Variants in FAM13A observed in about 807,000 individuals in gnomAD.
FAM13A encodes protein FAM13A.
Under a neutral mutation model 129.6 loss-of-function variants are expected in FAM13A, and 76 were observed. The observed-to-expected ratio is 0.59, with a 90% CI of 0.49 to 0.71. The LOEUF is 0.71. Among genes scored for constraint, FAM13A ranks in the 30% least tolerant of loss-of-function variants. The probability of loss-of-function intolerance (pLI) is 0.00; values close to 1 mark genes in which losing one functional copy is unlikely to be tolerated. For synonymous variants in FAM13A, 443 were observed against 449.9 expected, an observed-to-expected ratio of 0.98 and a Z score of 0.20; for missense variants, 1,108 against 1,249.3, an observed-to-expected ratio of 0.89 and a Z score of 1.70.
At chr4:88,965,731 C>T (rs1248136707) in intron 4 of FAM13A, among the ~76,000 whole-genome samples, 3 of 152,106 alleles carry the variant, frequency 2.0e-5, no homozygotes, top group Admixed American at 6.5e-5. Context: ...TTTTCCACTC[C>T]CCCAGCCCCT....
intron 6 of FAM13A, among the ~76,000 whole-genome samples, chr4:88,866,262 G>A (rs1010591470): frequency 6.6e-6 from 1 of 152,024 alleles, no homozygotes; most frequent in Non-Finnish European, 1.5e-5. Flanking sequence ...TGGCCAGGCT[G>A]GTCTTGAACT....
At chr4:89,021,483 A>G (rs1018559575) in intron 2 of FAM13A, among the ~76,000 whole-genome samples, 9 of 152,218 alleles carry the variant, frequency 5.9e-5, no homozygotes, top group African/African-American at 1.9e-4. Context: ...AAACAAAAAT[A>G]TGAATTGAGA....
chr4:89,032,850 C>A (rs1057099879), intron 1 of FAM13A, among the ~76,000 whole-genome samples: 10 of 152,158 alleles, frequency 6.6e-5, no homozygotes, highest in African/African-American at 2.4e-4. Context: ...CTCAGTCTCT[C>A]CACCAGCTGA....
At chr4:88,983,935 G>A (rs1761935962) in intron 4 of FAM13A, among the ~76,000 whole-genome samples, 1 of 152,112 alleles carries the variant, frequency 6.6e-6, no homozygotes, top group Non-Finnish European at 1.5e-5. Context: ...AAAATACTAT[G>A]GTACTGACAT....
intron 6 of FAM13A, among the ~76,000 whole-genome samples, chr4:88,893,322 C>T (rs900056523): frequency 6.6e-6 from 1 of 152,090 alleles, no homozygotes; most frequent in African/African-American, 2.4e-5. Flanking sequence ...GTGCAGCTGC[C>T]GTACAATAAG....
intron 7 of FAM13A, among the ~76,000 whole-genome samples, chr4:88,834,470 G>GTGAATCCCCAAA (rs1438029924): frequency 2.6e-5 from 4 of 152,014 alleles, no homozygotes; most frequent in Non-Finnish European, 5.9e-5. Context: ...AAAAAGCACT[G>GTGAATCCCCAAA]AAATTAACTC....
intron 3 of FAM13A, among the ~76,000 whole-genome samples, chr4:89,014,956 A>G (rs1043823309): frequency 6.6e-6 from 1 of 152,212 alleles, no homozygotes; most frequent in East Asian, 1.9e-4. Context: ...TTCGAAAGCA[A>G]TAGGAGAAAT....
intron 5 of FAM13A, among the ~76,000 whole-genome samples, chr4:88,920,129 C>A (rs1337863267): frequency 2.0e-5 from 3 of 152,198 alleles, no homozygotes; most frequent in Admixed American, 6.5e-5. Flanking sequence ...AGGGCACAGA[C>A]AAACAAAAAG....
intron 4 of FAM13A, 57 bp downstream of exon 4, chr4:88,990,916 A>G: frequency 7.7e-7 from 1 of 1,300,374 alleles, no homozygotes; most frequent in South Asian, 1.3e-5. Flanking sequence ...AATTTCAGAC[A>G]GTAGTAAACA....
chr4:88,954,148 C>T (rs1322287328), intron 4 of FAM13A, among the ~76,000 whole-genome samples: 1 of 152,276 alleles, frequency 6.6e-6, no homozygotes, highest in East Asian at 1.9e-4. Context: ...CAAAATAAGA[C>T]AACCTAATTG....
intron 5 of FAM13A, among the ~76,000 whole-genome samples, chr4:88,912,886 C>G (rs1454608513): frequency 1.3e-5 from 2 of 152,048 alleles, no homozygotes; most frequent in African/African-American, 4.8e-5. Context: ...GAGGCTGAGG[C>G]AGGAGGACCT....
chr4:88,960,760 G>A (rs1041686554), intron 4 of FAM13A, among the ~76,000 whole-genome samples: 15 of 152,230 alleles, frequency 9.9e-5, no homozygotes, highest in Admixed American at 9.8e-4. Flanking sequence ...GTTGCTTCCT[G>A]AATAGATTTA....
chr4:88,739,719 G>A lies in FAM13A; in HGVS notation c.2467-594C>T, dbSNP rs545805835. ...GGAGAATCGCTTGAACACAGGAGGC[G>A]GAGGGTGCAGTGAGCCGAGATCACA... is the stretch of plus-strand genomic sequence containing the variant. On this transcript the variant is annotated intron_variant, in intron 19 of 23. Transcript: ENST00000264344. Among the ~76,000 whole-genome samples the A allele has an allele frequency of 4.1e-5, 6 of 146,606 alleles. No homozygotes were observed. In the East Asian group the frequency reaches 6.0e-4, roughly 15 times the overall value.
rs771225810 is a variant in FAM13A, at chr4:88,991,045, A to G, written c.533T>C (p.Val178Ala). The change falls in exon 4 of 24, where the codon GTA becomes GCA. Residue 178 changes from valine (V) to alanine (A), a missense_variant. Around this residue, in one of 3 missense-constraint regions of FAM13A, gnomAD observed 566 missense variants for 595.7 expected, o/e 0.95. Transcript: ENST00000264344. ...LKYLCQFLTKVAKHHVQNRMN... is the reference protein window; with the variant it reads ...LKYLCQFLTKAAKHHVQNRMN... ...GCGATTCTGCACATGATGCTTGGCT[A>G]CTTTTGTCAAGAACTGGCAAAGGTA... 5.8e-5 allele frequency: 93 copies of G among 1,614,008 alleles called. No homozygotes were observed. The highest frequency in any genetic ancestry group is 7.9e-5 in the Non-Finnish European group (93 of 1,180,008).
At chr4:89,040,508 G>A (rs1769969502) in intron 1 of FAM13A, among the ~76,000 whole-genome samples, 1 of 152,152 alleles carries the variant, frequency 6.6e-6, no homozygotes, top group South Asian at 2.1e-4. Context: ...ACAATTGGAG[G>A]ATTACTATTT....
intron 6 of FAM13A, among the ~76,000 whole-genome samples, chr4:88,878,816 A>G (rs1424612391): frequency 6.6e-6 from 1 of 152,198 alleles, no homozygotes; most frequent in Non-Finnish European, 1.5e-5. Context: ...GGACTGAATA[A>G]ACATCTGTTA....
intron 3 of FAM13A, among the ~76,000 whole-genome samples, chr4:89,016,397 T>C (rs1463568613): frequency 6.6e-6 from 1 of 152,160 alleles, no homozygotes; most frequent in Admixed American, 6.5e-5. Flanking sequence ...TAAGGTCTAT[T>C]ACTGAAGACA....
At chr4:88,859,574 TG>T (rs1245955517) in intron 6 of FAM13A, among the ~76,000 whole-genome samples, 3 of 152,102 alleles carry the variant, frequency 2.0e-5, no homozygotes, top group Non-Finnish European at 4.4e-5. Flanking sequence ...GGAGGCATAA[TG>T]GCCAAGGAGA....
intron 1 of FAM13A, among the ~76,000 whole-genome samples, chr4:89,032,630 C>T (rs995602890): frequency 1.3e-5 from 2 of 152,074 alleles, no homozygotes; most frequent in Non-Finnish European, 2.9e-5. Context: ...CTTGTTGATG[C>T]TTTTATTTTT....
Sources: allele counts gnomAD v4.1 joint callset (sites outside exome capture counted in the v4.1 genomes callset), GRCh38; gene constraint gnomAD v4.1.1; regional missense constraint gnomAD v4.1.1; transcripts MANE v1.5; gene names NCBI Gene and HGNC (gene_info 2026-07-23, HGNC 2026-07-21).